The following FSD2 variants were observed in gnomAD, a reference collection of about 807,000 sequenced individuals.
FSD2 encodes fibronectin type III and SPRY domain containing 2, also known as fibronectin type III and SPRY domain-containing protein 2.
In FSD2, 71 loss-of-function variants were observed where a neutral mutation model predicts 80.4. That is an observed-to-expected ratio of 0.88 (90% CI 0.73 to 1.08). The LOEUF (loss-of-function observed/expected upper bound fraction) is 1.08, where lower values mean the gene tolerates loss of function less well. Ranked by LOEUF, FSD2 falls within the 50% of genes least tolerant of loss-of-function variation. The probability of loss-of-function intolerance (pLI) is 0.00; values close to 1 mark genes in which losing one functional copy is unlikely to be tolerated. For synonymous variants in FSD2, 361 were observed against 329.5 expected, an observed-to-expected ratio of 1.10 and a Z score of -1.03; for missense variants, 923 against 913.8, an observed-to-expected ratio of 1.01 and a Z score of -0.13.
chr15:82,771,467 T>TG (rs1303450411), intron 7 of FSD2, among the ~76,000 whole-genome samples: 2 of 152,160 alleles, frequency 1.3e-5, no homozygotes, highest in Non-Finnish European at 2.9e-5. Flanking sequence ...TATTGTAGTA[T>TG]GGGGGGCCCT....
At chr15:82,804,490 G>C (rs2050484588) in intron 1 of FSD2, among the ~76,000 whole-genome samples, 1 of 152,094 alleles carries the variant, frequency 6.6e-6, no homozygotes, top group Non-Finnish European at 1.5e-5. Context: ...CCCTGTGCTT[G>C]AATCCAAGCT....
At chr15:82,786,018 C>A (rs940043126) in intron 3 of FSD2, among the ~76,000 whole-genome samples, 5 of 152,072 alleles carry the variant, frequency 3.3e-5, no homozygotes, top group African/African-American at 1.2e-4. Flanking sequence ...ACCGTGAAGT[C>A]ATCTTTGTTA....
At chr15:82,769,608 G>C in intron 8 of FSD2, 142 bp downstream of exon 8, 1 of 962,690 alleles carries the variant, frequency 1.0e-6, no homozygotes, top group Non-Finnish European at 1.5e-6. Context: ...TGTAGATTTT[G>C]TGTGTTAAAT....
At position 82,755,706 on chromosome 15, in the gene FSD2, A is replaced by G. The variant is rs2049161530; in HGVS notation, c.*3642T>C. On this transcript the variant is annotated 3_prime_UTR_variant, in exon 13 of 13. Transcript: ENST00000334574. ...TAACTTAGGGGCAGTTGTTGTGCCC[A>G]GGTCATAGTCATACTCCTTCCAGGA... The G allele has an allele frequency of 1.2e-5, 2 of 166,842 alleles. No individual in the cohort carries two copies. Among genetic ancestry groups the G allele is most frequent in the Non-Finnish European group, 2.6e-5 (2 of 76,036 alleles). The allele number at this position is 166,842 out of a possible 1,614,324, so 10.3% of individuals were successfully genotyped here.
At chr15:82,804,901 T>C (rs1398030155) in intron 1 of FSD2, among the ~76,000 whole-genome samples, 2 of 152,172 alleles carry the variant, frequency 1.3e-5, no homozygotes, top group Non-Finnish European at 2.9e-5. Context: ...CCTAGACTCT[T>C]TCTTAACAAA....
Position 82,757,288 on chromosome 15 carries a change from A to C in FSD2, c.*2060T>G, listed in dbSNP as rs1395264246. On this transcript the variant is annotated 3_prime_UTR_variant, in exon 13 of 13. Coordinates refer to ENST00000334574, the MANE Select transcript of FSD2 (RefSeq NM_001007122.4). The stretch of plus-strand genomic sequence containing the variant: ...TAAAGCCTATTAGAACCCTGAATTC[A>C]AACTTGCCTTCTCTGTGATATCCTG... 1.3e-5 allele frequency: 2 copies of C among 152,004 alleles called. No individual in the cohort carries two copies. Among genetic ancestry groups the C allele is most frequent in the Non-Finnish European group, 2.9e-5 (2 of 68,030 alleles). 9.4% of individuals were successfully genotyped at this position (152,004 alleles called of 1,614,324 possible). A position where few individuals can be genotyped will look rare whatever the true frequency, so the allele number is the denominator to read the frequency against.
chr15:82,797,020 T>TAAAAAAAAAAAAAA, intron 1 of FSD2, among the ~76,000 whole-genome samples: 1 of 97,378 alleles, frequency 1.0e-5, no homozygotes, highest in Non-Finnish European at 2.2e-5. Context: ...GCTTGGTAAT[T>TAAAAAAAAAAAAAA]AAAAAAAAAA....
intron 3 of FSD2, among the ~76,000 whole-genome samples, chr15:82,783,934 A>C (rs1201600010): frequency 6.6e-6 from 1 of 152,226 alleles, no homozygotes; most frequent in Non-Finnish European, 1.5e-5. Context: ...AGCACAGTAG[A>C]TGAGAAATAT....
Position 82,787,308 on chromosome 15 carries a change from T to G in FSD2, c.83A>C (p.Asp28Ala). ...AAAGAGGTGCAGTCTGTCTTCAGAG[T>G]CATACAGGTCCATGTGGTAAAAGTG... is the stretch of plus-strand genomic sequence containing the variant. ...DFHFYHMDLY[D>A]SEDRLHLFPE... Residue 28 changes from aspartate (D) to alanine (A), a missense_variant, in exon 2 of 13, where the codon GAC becomes GCC. Asp to Ala is a moderately radical substitution (Grantham distance 126, BLOSUM62 -2). Coordinates refer to ENST00000334574, the MANE Select transcript of FSD2 (RefSeq NM_001007122.4). 1.2e-6 allele frequency: 2 copies of G among 1,613,856 alleles called. No homozygotes were observed. The highest frequency in any genetic ancestry group is 1.7e-6 in the Non-Finnish European group (2 of 1,179,872).
chr15:82,787,731 C>T (rs1272370490), intron 1 of FSD2, among the ~76,000 whole-genome samples: 1 of 150,804 alleles, frequency 6.6e-6, no homozygotes, highest in Admixed American at 6.6e-5. Flanking sequence ...AAAAAAAAAA[C>T]TTAAAAGGCA....
In FSD2 at chr15:82,787,224, C is replaced by G. The variant is rs763092865; in HGVS notation, c.167G>C (p.Arg56Thr). 1.2e-6 allele frequency: 2 copies of G among 1,613,972 alleles called. No homozygotes were observed. The highest frequency in any genetic ancestry group is 2.2e-5 in the East Asian group (1 of 44,870). ...TTGAGCCTTACCATCCCCTGCTCCT[C>G]TTGACTCATTGGCCATTTCAGCTTG... is the stretch of plus-strand genomic sequence containing the variant. ...VVQAEMANES[R>T]GAGDGKAQRD... Residue 56 changes from arginine to threonine, a missense_variant, in exon 2 of 13, where the codon AGA becomes ACA. Physicochemically the swap from Arg to Thr is moderately conservative, Grantham distance 71 (BLOSUM62 -1). Coordinates refer to ENST00000334574, the MANE Select transcript of FSD2 (RefSeq NM_001007122.4).
chr15:82,778,637 A>T, intron 6 of FSD2, 129 bp downstream of exon 6: 1 of 1,031,188 alleles, frequency 9.7e-7, no homozygotes, highest in Non-Finnish European at 1.4e-6. Flanking sequence ...ACCTGTATTT[A>T]ACAATATTGT....
chr15:82,793,101 T>A (rs1316742307), intron 1 of FSD2, among the ~76,000 whole-genome samples: 1 of 152,194 alleles, frequency 6.6e-6, no homozygotes, highest in Non-Finnish European at 1.5e-5. Context: ...GATATTCTTA[T>A]TAATTTTTTT....
Position 82,787,315 on chromosome 15 carries a change from G to C in FSD2, c.76C>G (p.Leu26Val). 9 of 1,613,870 alleles carry C rather than the reference G, an allele frequency of 5.6e-6. No homozygotes were observed. Among genetic ancestry groups the C allele is most frequent in the Non-Finnish European group, 7.6e-6 (9 of 1,179,876 alleles). Residue 26 changes from leucine (L) to valine (V), a missense_variant, in exon 2 of 13, where the codon CTG (leucine) becomes GTG (valine). By Grantham distance (32) the Leu-to-Val change is conservative. Transcript: ENST00000334574. The part of the protein sequence containing the change: ...PKDFHFYHMD[L>V]YDSEDRLHLF... ...TGCAGTCTGTCTTCAGAGTCATACA[G>C]GTCCATGTGGTAAAAGTGGAAATCC... is the stretch of plus-strand genomic sequence containing the variant.
At chr15:82,797,933 C>T (rs1209715935) in intron 1 of FSD2, among the ~76,000 whole-genome samples, 1 of 152,098 alleles carries the variant, frequency 6.6e-6, no homozygotes, top group Non-Finnish European at 1.5e-5. Context: ...GTTTAATATT[C>T]AGAGATGTAT....
At chr15:82,802,362 A>T (rs1303128424) in intron 1 of FSD2, among the ~76,000 whole-genome samples, 1 of 152,096 alleles carries the variant, frequency 6.6e-6, no homozygotes, top group Non-Finnish European at 1.5e-5. Flanking sequence ...GTTCCCTTCC[A>T]GCTATGGAAA....
In FSD2 at chr15:82,755,942, C is replaced by T. The variant is rs1241262145; in HGVS notation, c.*3406G>A. ...TTTAAAAGCTGGATTTGGTTATGTTCTTCTGGAGACTAAGAAAATAGAGTC... is the reference window on the plus strand; with the variant it reads ...TTTAAAAGCTGGATTTGGTTATGTTTTTCTGGAGACTAAGAAAATAGAGTC... On this transcript the variant is annotated 3_prime_UTR_variant, in exon 13 of 13. Coordinates refer to ENST00000334574, the MANE Select transcript of FSD2 (RefSeq NM_001007122.4). 3.9e-6 allele frequency: 2 copies of T among 510,542 alleles called. No individual in the cohort carries two copies. Among genetic ancestry groups the T allele is most frequent in the Non-Finnish European group, 7.8e-6 (2 of 256,264 alleles). 31.6% of individuals were successfully genotyped at this position (510,542 alleles called of 1,614,324 possible). A position where few individuals can be genotyped will look rare whatever the true frequency, so the allele number is the denominator to read the frequency against.
chr15:82,770,100 C>G (rs1478012286), intron 7 of FSD2, among the ~76,000 whole-genome samples: 3 of 152,188 alleles, frequency 2.0e-5, no homozygotes, highest in African/African-American at 7.2e-5. Flanking sequence ...ATGTGACTAG[C>G]TTTGGTCAAT....
chr15:82,791,762 C>G (rs187033187), intron 1 of FSD2, among the ~76,000 whole-genome samples: 1 of 152,272 alleles, frequency 6.6e-6, no homozygotes, highest in Admixed American at 6.5e-5. Flanking sequence ...CTATCCTAAG[C>G]AACAACTAAT....
Sources: gnomAD v4.1 joint callset for allele counts (sites outside exome capture counted in the v4.1 genomes callset) on GRCh38, gnomAD v4.1.1 for gene constraint, MANE v1.5 for transcripts, NCBI Gene and HGNC (gene_info 2026-07-23, HGNC 2026-07-21) for gene names.